The following RNF150 variants were observed in gnomAD, a reference collection of about 807,000 sequenced individuals.
The protein encoded by RNF150 is ring finger protein 150.
In RNF150, 24 loss-of-function variants were observed where a neutral mutation model predicts 39.3. The observed-to-expected ratio is 0.61, with a 90% CI of 0.44 to 0.86. The LOEUF (loss-of-function observed/expected upper bound fraction) is 0.86, where lower values mean the gene tolerates loss of function less well. Among genes scored for constraint, RNF150 ranks in the 40% least tolerant of loss-of-function variants. The probability of loss-of-function intolerance (pLI) is 0.00; values close to 1 mark genes in which losing one functional copy is unlikely to be tolerated. For synonymous variants in RNF150, 255 were observed against 227.3 expected (o/e 1.12, Z -1.10); for missense variants, 502 against 587.8 (o/e 0.85, Z 1.51).
chr4:141,056,918 TG>T (rs1736995191), intron 1 of RNF150, among the ~76,000 whole-genome samples: 1 of 152,118 alleles, frequency 6.6e-6, no homozygotes, highest in Non-Finnish European at 1.5e-5. Context: ...AATGCATAAC[TG>T]TTTTTTTAAA....
intron 6 of RNF150, among the ~76,000 whole-genome samples, chr4:140,884,584 TCA>T (rs1729493668): frequency 6.6e-6 from 1 of 152,194 alleles, no homozygotes; most frequent in South Asian, 2.1e-4. Context: ...AGTGTCTGCA[TCA>T]CTGAAGCCTT....
rs1197332375 is a variant in RNF150, at chr4:140,911,315, CG to C, written c.1026del (p.Phe342LeufsTer21). On this transcript the variant is annotated frameshift_variant, in exon 6 of 7. Coordinates refer to ENST00000515673, the MANE Select transcript of RNF150 (RefSeq NM_020724.2). LOFTEE classifies it high-confidence loss of function. ...GTGGGTGGACCTCCCAGAGAGCCCT[CG>C]AAGTCAGTGGGCAAGTCGTCCATGC... ...ADCMDDLPTD[F>X]EGSLGGPPTN... 6 of 1,613,948 alleles carry C rather than the reference CG, an allele frequency of 3.7e-6. No individual in the cohort carries two copies. Among genetic ancestry groups the C allele is most frequent in the Non-Finnish European group, 5.1e-6 (6 of 1,180,020 alleles).
At chr4:141,137,712 A>G (rs1018852761), upstream of RNF150, among the ~76,000 whole-genome samples, 1 of 152,238 alleles carries the variant, frequency 6.6e-6, no homozygotes, top group East Asian at 1.9e-4. Flanking sequence ...ATGAAAGCAC[A>G]TGAATAATTT....
chr4:140,996,953 C>T (rs1734398371), intron 1 of RNF150: 1 of 152,326 alleles, frequency 6.6e-6, no homozygotes, highest in East Asian at 1.9e-4. Flanking sequence ...TGAGCCAATA[C>T]ATACAGTGTG....
At chr4:140,870,831 T>G (rs1328721083) in intron 6 of RNF150, among the ~76,000 whole-genome samples, 1 of 151,756 alleles carries the variant, frequency 6.6e-6, no homozygotes, top group African/African-American at 2.4e-5. Flanking sequence ...TCTTGCATTT[T>G]CCCTGTCCAT....
At chr4:140,965,322 C>T (rs372430831) in intron 2 of RNF150, among the ~76,000 whole-genome samples, 43 of 152,094 alleles carry the variant, frequency 2.8e-4, no homozygotes, top group African/African-American at 9.6e-4. Context: ...TTAGGGGAAA[C>T]GGTACAGAGG....
intron 6 of RNF150, among the ~76,000 whole-genome samples, chr4:140,899,642 AGCCTAT>A (rs1319139419): frequency 6.6e-6 from 1 of 152,026 alleles, no homozygotes; most frequent in Non-Finnish European, 1.5e-5. Context: ...CTCCTTGGGA[AGCCTAT>A]GGAGCGAGGA....
chr4:141,212,564 C>T (rs1475078648), intron 1 of RNF150, among the ~76,000 whole-genome samples: 2 of 152,062 alleles, frequency 1.3e-5, no homozygotes, highest in Non-Finnish European at 2.9e-5. Flanking sequence ...CACAGAAAAC[C>T]ATTCCTACTA....
chr4:140,884,347 G>A (rs1729486171), intron 6 of RNF150, among the ~76,000 whole-genome samples: 1 of 152,066 alleles, frequency 6.6e-6, no homozygotes, highest in Non-Finnish European at 1.5e-5. Flanking sequence ...ATATTTTCCT[G>A]TTTCTTTGTA....
intron 1 of RNF150, among the ~76,000 whole-genome samples, chr4:141,125,023 G>C (rs1726713666): frequency 6.6e-6 from 1 of 152,082 alleles, no homozygotes; most frequent in African/African-American, 2.4e-5. Flanking sequence ...ATATATTATG[G>C]AATGGGCGAA....
intron 1 of RNF150, among the ~76,000 whole-genome samples, chr4:141,024,098 T>C (rs916712293): frequency 6.6e-6 from 1 of 152,080 alleles, no homozygotes. Context: ...GAGCTGCCGA[T>C]GGGTTGGTCC....
intron 1 of RNF150, among the ~76,000 whole-genome samples, chr4:141,210,321 A>G (rs905788280): frequency 6.6e-6 from 1 of 152,100 alleles, no homozygotes; most frequent in African/African-American, 2.4e-5. Context: ...CACTTTAGTT[A>G]CCTTCGGGGT....
intron 1 of RNF150, among the ~76,000 whole-genome samples, chr4:141,020,258 T>A (rs1735442681): frequency 6.6e-6 from 1 of 152,206 alleles, no homozygotes; most frequent in Non-Finnish European, 1.5e-5. Flanking sequence ...GATATTTTTC[T>A]CTTATTCCTC....
chr4:140,911,784 T>A (rs1339751817), intron 5 of RNF150, among the ~76,000 whole-genome samples: 1 of 152,198 alleles, frequency 6.6e-6, no homozygotes, highest in Non-Finnish European at 1.5e-5. Flanking sequence ...ACAAATATAC[T>A]AATGATATGA....
intron 1 of RNF150, among the ~76,000 whole-genome samples, chr4:141,071,056 A>G (rs1215271812): frequency 1.5e-5 from 2 of 130,800 alleles, no homozygotes; most frequent in Non-Finnish European, 1.6e-5. Context: ...GCAGCCATAA[A>G]AAATGATGAG....
At chr4:140,936,475 A>G (rs1731867401) in intron 4 of RNF150, among the ~76,000 whole-genome samples, 1 of 152,194 alleles carries the variant, frequency 6.6e-6, no homozygotes, top group South Asian at 2.1e-4. Context: ...TAGTTTTTAT[A>G]AACTATTTGA....
chr4:140,926,084 A>G lies in RNF150; in HGVS notation c.891-11T>C. On this transcript the variant is annotated splice_polypyrimidine_tract_variant and intron_variant, in intron 4 of 6. Coordinates refer to ENST00000515673, the MANE Select transcript of RNF150 (RefSeq NM_020724.2). The stretch of plus-strand genomic sequence containing the variant: ...TTGTGGAAAAGATGCCTGCAATGAG[A>G]ACCATACATCTTAGAGCGGCGGTAA... 6.3e-7 allele frequency: 1 copy of G among 1,593,060 alleles called. No individual in the cohort carries two copies. The highest frequency in any genetic ancestry group is 8.6e-7 in the Non-Finnish European group (1 of 1,160,728).
chr4:141,030,032 T>C (rs932895091), intron 1 of RNF150, among the ~76,000 whole-genome samples: 7 of 151,882 alleles, frequency 4.6e-5, no homozygotes. Flanking sequence ...CCGTGCCTAC[T>C]AAAAATACAA....
intron 1 of RNF150, among the ~76,000 whole-genome samples, chr4:141,142,264 TG>T: frequency 6.6e-6 from 1 of 152,338 alleles, no homozygotes; most frequent in South Asian, 2.1e-4. Flanking sequence ...TATCCTTTTC[TG>T]TTGTTTAAAT....
Sources: allele counts gnomAD v4.1 joint callset (sites outside exome capture counted in the v4.1 genomes callset), GRCh38; gene constraint gnomAD v4.1.1; transcripts MANE v1.5; gene names NCBI Gene and HGNC (gene_info 2026-07-23, HGNC 2026-07-21).